The following FRAS1 variants were observed in gnomAD, a reference collection of about 807,000 sequenced individuals.
FRAS1 encodes the protein Fraser extracellular matrix complex subunit 1, also known as extracellular matrix organizing protein FRAS1.
In FRAS1, 290 loss-of-function variants were observed where a neutral mutation model predicts 435.2. The ratio of observed to expected loss-of-function variants is 0.67; its 90% CI spans 0.61 to 0.73. The LOEUF (loss-of-function observed/expected upper bound fraction) is 0.73. Among genes scored for constraint, FRAS1 ranks in the 30% least tolerant of loss-of-function variants. The pLI is 0.00. For synonymous variants in FRAS1, 1,800 were observed against 1,851.0 expected (o/e 0.97, Z 0.71); for missense variants, 4,860 against 5,001.5 (o/e 0.97, Z 0.85).
intron 2 of FRAS1, among the ~76,000 whole-genome samples, chr4:78,179,753 C>T (rs1394271658): frequency 6.6e-6 from 1 of 152,102 alleles, no homozygotes; most frequent in Admixed American, 6.5e-5. Flanking sequence ...ATGGAACTGG[C>T]AGCCACTTGT....
chr4:78,372,851 CTGCAAGAGTAAG>C lies in FRAS1; in HGVS notation c.3006_3010+7del, dbSNP rs765291607. 42 of 1,612,430 alleles carry C rather than the reference CTGCAAGAGTAAG, an allele frequency of 2.6e-5. No individual in the cohort carries two copies. Among genetic ancestry groups the C allele is most frequent in the Middle Eastern group, 2.0e-4 (1 of 5,118 alleles). On this transcript the variant is annotated splice_donor_variant and splice_donor_5th_base_variant and coding_sequence_variant and intron_variant, in exon 24 of 74. Transcript: ENST00000512123. LOFTEE classifies it high-confidence loss of function. ...CATCATTTTACCAGGACTCGGGCCT[CTGCAAGAGTAAG>C]TGTGTAGAGGCCCTGCTCTGTGCTC...
intron 2 of FRAS1, among the ~76,000 whole-genome samples, chr4:78,153,913 T>C (rs1578155922): frequency 6.6e-6 from 1 of 152,208 alleles, no homozygotes; most frequent in Non-Finnish European, 1.5e-5. Flanking sequence ...GGATTCAGTC[T>C]TATTTCAAGA....
chr4:78,522,674 T>C lies in FRAS1; in HGVS notation c.10674T>C (p.Thr3558=). 6.2e-7 allele frequency: 1 copy of C among 1,607,308 alleles called. No homozygotes were observed. The highest frequency in any genetic ancestry group is 8.5e-7 in the Non-Finnish European group (1 of 1,176,488). The change falls in exon 69 of 74, where the codon ACT becomes ACC. Residue 3558 remains threonine, a synonymous_variant. Coordinates refer to ENST00000512123, the MANE Select transcript of FRAS1 (RefSeq NM_025074.7). The part of the protein sequence containing the change: ...FRGQFVMEHH[T]LPEVKSFVLT... ...GACAGTTTGTGATGGAGCATCACAC[T>C]CTCCCAGAAGTGAAATCTTTCGTAT...
chr4:78,154,080 T>G (rs1720781802), intron 2 of FRAS1, among the ~76,000 whole-genome samples: 1 of 152,206 alleles, frequency 6.6e-6, no homozygotes. Context: ...ATTTGCTATC[T>G]TTACAGCCAC....
intron 35 of FRAS1, among the ~76,000 whole-genome samples, chr4:78,425,975 A>T (rs1304891406): frequency 6.6e-6 from 1 of 152,144 alleles, no homozygotes; most frequent in East Asian, 1.9e-4. Flanking sequence ...TTGTAGTCTC[A>T]ACTACTCAGA....
At chr4:78,466,572 T>C in intron 50 of FRAS1, 137 bp downstream of exon 50, 2 of 647,164 alleles carry the variant, frequency 3.1e-6, no homozygotes, top group East Asian at 5.5e-5. Context: ...GCAAATTACA[T>C]TTCTAAGCCT....
At chr4:78,268,716 T>A (rs1281892315) in intron 9 of FRAS1, among the ~76,000 whole-genome samples, 1 of 152,214 alleles carries the variant, frequency 6.6e-6, no homozygotes, top group Non-Finnish European at 1.5e-5. Context: ...TTAGCACATA[T>A]CCCTAGCATT....
intron 54 of FRAS1, among the ~76,000 whole-genome samples, chr4:78,475,954 G>A (rs1197607973): frequency 6.6e-6 from 1 of 152,238 alleles, no homozygotes; most frequent in African/African-American, 2.4e-5. Flanking sequence ...AGAGAAGAGA[G>A]TGTGTAAGGA....
intron 2 of FRAS1, among the ~76,000 whole-genome samples, chr4:78,167,430 T>C (rs1721376840): frequency 6.6e-6 from 1 of 152,022 alleles, no homozygotes; most frequent in South Asian, 2.1e-4. Context: ...AGATAGAACA[T>C]TCTTTTTCTG....
chr4:78,068,331 T>C (rs1740154590), intron 2 of FRAS1, among the ~76,000 whole-genome samples: 1 of 152,052 alleles, frequency 6.6e-6, no homozygotes, highest in Non-Finnish European at 1.5e-5. Context: ...GAAGGTGACA[T>C]TTGATCAAAG....
At chr4:78,332,714 C>CTCTG (rs35633495) in intron 18 of FRAS1, among the ~76,000 whole-genome samples, 106,860 of 151,702 alleles carry the variant, frequency 0.7, 38,014 homozygotes, top group Non-Finnish European at 0.74. Context: ...CTGTGCTATA[C>CTCTG]TCTTTCATTC....
In FRAS1 at chr4:78,488,833, C is replaced by T. The variant is rs763024121; in HGVS notation, c.8753-42C>T. On this transcript the variant is annotated intron_variant, in intron 58 of 73. Coordinates refer to ENST00000512123, the MANE Select transcript of FRAS1 (RefSeq NM_025074.7). ...AGGACCATGGCCACAGCTTCCCTGT[C>T]TTCCACTAATGGTGCGTCTGTCTTT... is the stretch of plus-strand genomic sequence containing the variant. The T allele has an allele frequency of 3.7e-5, 58 of 1,569,198 alleles. No individual in the cohort carries two copies. The Admixed American group carries it at 9.6e-4, about 26-fold the overall frequency.
intron 2 of FRAS1, among the ~76,000 whole-genome samples, chr4:78,150,369 C>T (rs373388212): frequency 5.5e-4 from 84 of 152,240 alleles, no homozygotes; most frequent in African/African-American, 2.0e-3. Flanking sequence ...GCTTTTTGGT[C>T]CGCTTTTGGT....
intron 2 of FRAS1, among the ~76,000 whole-genome samples, chr4:78,084,864 C>T (rs1443960415): frequency 6.6e-6 from 1 of 152,044 alleles, no homozygotes; most frequent in African/African-American, 2.4e-5. Flanking sequence ...ATACATATTT[C>T]CTTTTAAAGA....
chr4:78,303,309 T>C (rs1467065914), intron 14 of FRAS1, among the ~76,000 whole-genome samples: 1 of 152,224 alleles, frequency 6.6e-6, no homozygotes, highest in African/African-American at 2.4e-5. Context: ...CCAGCTTTGT[T>C]CTTTTGGCTG....
intron 20 of FRAS1, among the ~76,000 whole-genome samples, chr4:78,358,486 G>A (rs1377577295): frequency 6.6e-6 from 1 of 152,070 alleles, no homozygotes; most frequent in Non-Finnish European, 1.5e-5. Flanking sequence ...GTCTATATAT[G>A]ATATGTGTAA....
intron 14 of FRAS1, among the ~76,000 whole-genome samples, chr4:78,303,731 C>T (rs1728548150): frequency 6.7e-6 from 1 of 149,754 alleles, no homozygotes; most frequent in Admixed American, 6.6e-5. Flanking sequence ...GCTGAAGTTG[C>T]TTATCAGCCT....
In FRAS1 at chr4:78,543,619, T is replaced by G. The variant is rs954131974; in HGVS notation, c.*2495T>G. The G allele has an allele frequency of 6.6e-6, 1 of 152,230 alleles. No homozygotes were observed. The highest frequency in any genetic ancestry group is 2.4e-5 in the African/African-American group (1 of 41,456). The allele number at this position is 152,230 out of a possible 1,614,324, so 9.4% of individuals were successfully genotyped here. A position where few individuals can be genotyped will look rare whatever the true frequency, so the allele number is the denominator to read the frequency against. ...TTTCACCCCACTAAATGTATGTTAT[T>G]GAATGCCAGTACTTCTCTAGTGGAT... On this transcript the variant is annotated 3_prime_UTR_variant, in exon 74 of 74. Transcript: ENST00000512123.
At chr4:78,501,870 C>A (rs1380420372) in intron 61 of FRAS1, among the ~76,000 whole-genome samples, 1 of 152,198 alleles carries the variant, frequency 6.6e-6, no homozygotes, top group East Asian at 1.9e-4. Context: ...ACATTTAAGT[C>A]TTTAATCCAC....
Sources: allele counts gnomAD v4.1 joint callset (sites outside exome capture counted in the v4.1 genomes callset), GRCh38; gene constraint gnomAD v4.1.1; transcripts MANE v1.5; gene names NCBI Gene and HGNC (gene_info 2026-07-23, HGNC 2026-07-21).